Variants in EPHA5 observed in about 807,000 individuals in gnomAD.
EPHA5 encodes the protein ephrin type-A receptor 5.
A neutral mutation model predicts 105.0 loss-of-function variants in EPHA5; 60 were observed. The observed-to-expected ratio is 0.57, with a 90% CI of 0.46 to 0.71. The LOEUF is 0.71. EPHA5 is among the 30% of genes least tolerant of loss of function. EPHA5 has a pLI of 0.00. For synonymous variants in EPHA5, 513 were observed against 449.1 expected (o/e 1.14, Z -1.80); for missense variants, 1,218 against 1,274.7 (o/e 0.96, Z 0.68).
At chr4:65,560,704 T>A (rs1315308600) in intron 3 of EPHA5, among the ~76,000 whole-genome samples, 1 of 152,028 alleles carries the variant, frequency 6.6e-6, no homozygotes, top group Admixed American at 6.6e-5. Flanking sequence ...ATGACAAAGG[T>A]AATACAAAAG....
chr4:65,475,073 T>A (rs1339604468), intron 5 of EPHA5, among the ~76,000 whole-genome samples: 2 of 152,132 alleles, frequency 1.3e-5, no homozygotes, highest in Admixed American at 6.5e-5. Flanking sequence ...CGTAAACAAG[T>A]CAATCTATAT....
At chr4:65,408,568 A>T (rs201156334) in intron 7 of EPHA5, among the ~76,000 whole-genome samples, 625 of 8,242 alleles carry the variant, frequency 0.076, 2 homozygotes, top group South Asian at 0.19. Flanking sequence ...ACTTTTATGC[A>T]GCCAAAAAAC....
At chr4:65,574,727 TATAC>T (rs1560718212) in intron 3 of EPHA5, among the ~76,000 whole-genome samples, 4 of 98,338 alleles carry the variant, frequency 4.1e-5, no homozygotes, top group Admixed American at 1.2e-4. Context: ...TATACATATA[TATAC>T]ATATATATAT....
At chr4:65,669,331 G>A in intron 1 of EPHA5, 4 of 931,612 alleles carry the variant, frequency 4.3e-6, no homozygotes, top group South Asian at 4.9e-5. Flanking sequence ...ACCAGCCTCT[G>A]TCCACACGCA....
At chr4:65,478,106 G>A (rs1323309321) in intron 5 of EPHA5, among the ~76,000 whole-genome samples, 2 of 152,278 alleles carry the variant, frequency 1.3e-5, no homozygotes, top group African/African-American at 2.4e-5. Context: ...AACGCACAAG[G>A]TAACAAGCAC....
chr4:65,386,555 A>G (rs1336006189), intron 8 of EPHA5, among the ~76,000 whole-genome samples: 1 of 151,970 alleles, frequency 6.6e-6, no homozygotes, highest in Non-Finnish European at 1.5e-5. Flanking sequence ...GGCACACAAA[A>G]TCTTTCTCTC....
intron 2 of EPHA5, among the ~76,000 whole-genome samples, chr4:65,603,219 C>G (rs1032296917): frequency 6.6e-6 from 1 of 151,970 alleles, no homozygotes; most frequent in Admixed American, 6.6e-5. Context: ...CTATCTCTTT[C>G]CTAATAAAAT....
rs1723521793 is a variant in EPHA5 at position 65,417,680 on chromosome 4, AAC to A, written c.1527+2759_1527+2760del. 2.0e-5 allele frequency among the ~76,000 whole-genome samples: 3 copies of A among 152,176 alleles called. No homozygotes were observed. In the South Asian group the frequency reaches 6.2e-4, roughly 32 times the overall value. ...AATGGAATATACAGCATTAAATTTG[AAC>A]TATTAAATATAAGACCAAATCATAC... On this transcript the variant is annotated intron_variant, in intron 6 of 16. Transcript: ENST00000613740.
chr4:65,407,458 GA>G (rs1366311314), intron 7 of EPHA5, among the ~76,000 whole-genome samples: 113 of 152,088 alleles, frequency 7.4e-4, no homozygotes, highest in African/African-American at 1.9e-3. Flanking sequence ...CCTCTGTGTA[GA>G]AAAATATATT....
chr4:65,654,781 T>C (rs1347874107), intron 1 of EPHA5, among the ~76,000 whole-genome samples: 2 of 147,210 alleles, frequency 1.4e-5, no homozygotes, highest in Non-Finnish European at 3.0e-5. Context: ...ATTTAGATAG[T>C]TTCATTCTGT....
At chr4:65,495,048 G>T (rs1056249904) in intron 4 of EPHA5, among the ~76,000 whole-genome samples, 3 of 151,922 alleles carry the variant, frequency 2.0e-5, no homozygotes, top group Admixed American at 2.0e-4. Flanking sequence ...GGAAGAAGAG[G>T]TTTTAATGTA....
At chr4:65,397,633 C>T (rs1239951930) in intron 8 of EPHA5, among the ~76,000 whole-genome samples, 3 of 151,316 alleles carry the variant, frequency 2.0e-5, no homozygotes, top group East Asian at 3.9e-4. Context: ...CTTTTAGCTC[C>T]TCTTTGTATA....
chr4:65,512,253 A>G (rs989512459), intron 3 of EPHA5, among the ~76,000 whole-genome samples: 8 of 152,184 alleles, frequency 5.3e-5, no homozygotes, highest in East Asian at 1.9e-4. Context: ...TATTAAAAAT[A>G]TTTAATATGG....
chr4:65,364,396 C>A (rs1577923125), intron 11 of EPHA5, among the ~76,000 whole-genome samples: 1 of 151,674 alleles, frequency 6.6e-6, no homozygotes, highest in Non-Finnish European at 1.5e-5. Flanking sequence ...CCTTGTATTG[C>A]AAGGCTCACC....
At chr4:65,567,867 C>G (rs558231535) in intron 3 of EPHA5, among the ~76,000 whole-genome samples, 2 of 151,392 alleles carry the variant, frequency 1.3e-5, no homozygotes, top group Non-Finnish European at 3.0e-5. Flanking sequence ...TTATAGTCAT[C>G]CTTTAGTCTG....
intron 12 of EPHA5, among the ~76,000 whole-genome samples, chr4:65,351,932 C>T (rs181837515): frequency 3.9e-5 from 6 of 152,090 alleles, no homozygotes; most frequent in South Asian, 2.1e-4. Context: ...CAACACCGTA[C>T]TATTTTGATG....
At chr4:65,551,200 T>A (rs1244219869) in intron 3 of EPHA5, among the ~76,000 whole-genome samples, 1 of 151,374 alleles carries the variant, frequency 6.6e-6, no homozygotes, top group African/African-American at 2.4e-5. Flanking sequence ...AATGATATGT[T>A]CATGCCATGT....
intron 5 of EPHA5, among the ~76,000 whole-genome samples, chr4:65,445,111 C>T (rs932705117): frequency 3.3e-5 from 5 of 151,916 alleles, no homozygotes; most frequent in African/African-American, 4.8e-5. Context: ...ATTTTTTATT[C>T]ATGTTTTGGA....
intron 5 of EPHA5, among the ~76,000 whole-genome samples, chr4:65,465,586 GGAAA>G (rs1728638937): frequency 7.9e-6 from 1 of 127,218 alleles, no homozygotes; most frequent in African/African-American, 2.6e-5. Context: ...AGGAAGGAAA[GGAAA>G]GAAAGGAAGG....
Sources: gnomAD v4.1 joint callset for allele counts (sites outside exome capture counted in the v4.1 genomes callset) on GRCh38, gnomAD v4.1.1 for gene constraint, MANE v1.5 for transcripts, NCBI Gene and HGNC (gene_info 2026-07-23, HGNC 2026-07-21) for gene names.